Variants in EYS observed in about 807,000 individuals in gnomAD.
The protein encoded by EYS is EGF-like photoreceptor maintenance factor, also known as protein eyes shut homolog.
In EYS, 250 loss-of-function variants were observed where a neutral mutation model predicts 282.1. That is an observed-to-expected ratio of 0.89 (90% CI 0.80 to 0.98). The LOEUF (loss-of-function observed/expected upper bound fraction) is 0.98. Among genes scored for constraint, EYS ranks in the 50% least tolerant of loss-of-function variants. EYS has a pLI of 0.00. For synonymous variants in EYS, 1,355 were observed against 1,282.9 expected, an observed-to-expected ratio of 1.06 and a Z score of -1.20; for missense variants, 4,016 against 3,709.0, an observed-to-expected ratio of 1.08 and a Z score of -2.15.
At chr6:64,392,998 AC>A (rs1467349613) in intron 28 of EYS, among the ~76,000 whole-genome samples, 1 of 152,160 alleles carries the variant, frequency 6.6e-6, no homozygotes, top group Admixed American at 6.5e-5. Context: ...TACTACAAAC[AC>A]CTCTACGCAA....
chr6:64,682,592 T>C (rs997810283), intron 22 of EYS, among the ~76,000 whole-genome samples: 2 of 152,100 alleles, frequency 1.3e-5, no homozygotes, highest in Non-Finnish European at 2.9e-5. Flanking sequence ...CACATGGACA[T>C]GCCTACAACT....
At chr6:64,361,526 C>T (rs1320781964) in intron 29 of EYS, among the ~76,000 whole-genome samples, 2 of 151,718 alleles carry the variant, frequency 1.3e-5, no homozygotes, top group Non-Finnish European at 2.9e-5. Context: ...AGTCTACAAT[C>T]AGGCTCATTT....
chr6:64,107,367 C>G (rs1773064776), intron 31 of EYS, among the ~76,000 whole-genome samples: 1 of 145,856 alleles, frequency 6.9e-6, no homozygotes, highest in Admixed American at 6.9e-5. Flanking sequence ...CCACAGTAGC[C>G]TATGTGCAAG....
chr6:64,196,052 A>G (rs1189658351), intron 31 of EYS, among the ~76,000 whole-genome samples: 2 of 152,224 alleles, frequency 1.3e-5, no homozygotes, highest in African/African-American at 2.4e-5. Context: ...TACAAGAAAA[A>G]AACAAAGAAC....
chr6:65,525,730 G>A (rs1767533159), intron 2 of EYS, among the ~76,000 whole-genome samples: 1 of 152,170 alleles, frequency 6.6e-6, no homozygotes, highest in Non-Finnish European at 1.5e-5. Flanking sequence ...AGATGAAATG[G>A]ACAACAGTAT....
intron 12 of EYS, among the ~76,000 whole-genome samples, chr6:65,123,794 A>T (rs1451980471): frequency 6.0e-5 from 9 of 149,224 alleles, no homozygotes; most frequent in Non-Finnish European, 1.0e-4. Context: ...ACACTAGTTT[A>T]GTCTCCCAAA....
At chr6:64,358,901 C>A (rs1771917309) in intron 29 of EYS, among the ~76,000 whole-genome samples, 1 of 151,774 alleles carries the variant, frequency 6.6e-6, no homozygotes, top group South Asian at 2.1e-4. Context: ...GTTTCTTGAT[C>A]ATCCATAATT....
At chr6:65,405,536 C>A (rs1290406399) in intron 5 of EYS, among the ~76,000 whole-genome samples, 169 bp from the exon 6 acceptor site, 1 of 151,968 alleles carries the variant, frequency 6.6e-6, no homozygotes, top group African/African-American at 2.4e-5. Flanking sequence ...TCATTCATTG[C>A]AATTCTACAG....
chr6:64,491,157 ATTGT>A (rs2150505923), intron 26 of EYS, among the ~76,000 whole-genome samples: 1 of 150,996 alleles, frequency 6.6e-6, no homozygotes, highest in South Asian at 2.1e-4. Flanking sequence ...GATCTATGTA[ATTGT>A]TTGGAGACAA....
chr6:64,247,691 T>C (rs1324546818), intron 30 of EYS, among the ~76,000 whole-genome samples: 2 of 152,154 alleles, frequency 1.3e-5, no homozygotes, highest in South Asian at 2.1e-4. Flanking sequence ...GGTGACTCTA[T>C]ACCCGTACTG....
chr6:65,410,741 T>C (rs959321262), intron 5 of EYS, among the ~76,000 whole-genome samples: 1 of 151,794 alleles, frequency 6.6e-6, no homozygotes, highest in Non-Finnish European at 1.5e-5. Flanking sequence ...AGAGATATTT[T>C]TACCCCCTGT....
intron 33 of EYS, among the ~76,000 whole-genome samples, chr6:64,021,880 T>G (rs891733229): frequency 6.6e-6 from 1 of 152,218 alleles, no homozygotes; most frequent in East Asian, 1.9e-4. Flanking sequence ...ATTCTTTGCA[T>G]TGTGCTTTTG....
At position 64,149,433 on chromosome 6, in the gene EYS, T is replaced by A. The variant is rs570249736; in HGVS notation, c.6425-67431A>T. On this transcript the variant is annotated intron_variant, in intron 31 of 42. Transcript: ENST00000503581. ...TGTCATGTATTTTATATAGAGCCCA[T>A]GGTGGTCAAGTGCTGCAGGAAAGTT... Among the ~76,000 whole-genome samples the A allele has an allele frequency of 1.3e-5, 2 of 152,304 alleles. 1 individual carries two copies. Among genetic ancestry groups the A allele is most frequent in the South Asian group, 4.1e-4 (2 of 4,824 alleles).
At chr6:65,294,829 G>C (rs1489952616) in intron 12 of EYS, among the ~76,000 whole-genome samples, 2 of 151,786 alleles carry the variant, frequency 1.3e-5, no homozygotes, top group Admixed American at 1.3e-4. Context: ...AACAATGCTA[G>C]CACATTTATG....
At chr6:65,056,024 T>C (rs1206576997) in intron 13 of EYS, among the ~76,000 whole-genome samples, 1 of 152,082 alleles carries the variant, frequency 6.6e-6, no homozygotes, top group African/African-American at 2.4e-5. Flanking sequence ...ACATAAATTA[T>C]TTGGGATTAT....
At chr6:64,906,426 T>C (rs943153692) in intron 16 of EYS, among the ~76,000 whole-genome samples, 1 of 152,232 alleles carries the variant, frequency 6.6e-6, no homozygotes, top group Non-Finnish European at 1.5e-5. Flanking sequence ...CATGGGTACA[T>C]GTTTTTAATT....
chr6:64,209,157 C>A (rs1765691767), intron 31 of EYS, among the ~76,000 whole-genome samples: 1 of 151,970 alleles, frequency 6.6e-6, no homozygotes, highest in South Asian at 2.1e-4. Flanking sequence ...ACTTTAAAAG[C>A]CACTCCATAA....
intron 35 of EYS, among the ~76,000 whole-genome samples, chr6:63,949,375 C>A (rs1286267063): frequency 6.6e-6 from 1 of 152,110 alleles, no homozygotes; most frequent in Non-Finnish European, 1.5e-5. Flanking sequence ...TATCTTCCTG[C>A]CATACTTTTG....
At chr6:65,013,493 G>A (rs779319063) in intron 13 of EYS, among the ~76,000 whole-genome samples, 2 of 152,276 alleles carry the variant, frequency 1.3e-5, no homozygotes, top group Non-Finnish European at 2.9e-5. Flanking sequence ...CAATTTCCTT[G>A]CTAAAGAGTC....
Sources: allele counts gnomAD v4.1 joint callset (sites outside exome capture counted in the v4.1 genomes callset), GRCh38; gene constraint gnomAD v4.1.1; transcripts MANE v1.5; gene names NCBI Gene and HGNC (gene_info 2026-07-23, HGNC 2026-07-21).